Variants in PALM2AKAP2 observed in about 807,000 individuals in gnomAD.
PALM2AKAP2 encodes the protein PALM2 and AKAP2 fusion.
PALM2AKAP2 carries 37 observed loss-of-function variants against 71.5 expected under a neutral mutation model. The ratio of observed to expected loss-of-function variants is 0.52; its 90% CI spans 0.40 to 0.68. The LOEUF is 0.68. Ranked by LOEUF, PALM2AKAP2 falls within the 30% of genes least tolerant of loss-of-function variation. The probability of loss-of-function intolerance (pLI) is 0.00; values close to 1 mark genes in which losing one functional copy is unlikely to be tolerated. For synonymous variants in PALM2AKAP2, 468 were observed against 478.8 expected, an observed-to-expected ratio of 0.98 and a Z score of 0.29; for missense variants, 1,224 against 1,191.8, an observed-to-expected ratio of 1.03 and a Z score of -0.40.
chr9:109,742,304 C>G (rs1276308481), intron 1 of PALM2AKAP2, among the ~76,000 whole-genome samples: 2 of 146,834 alleles, frequency 1.4e-5, no homozygotes, highest in Non-Finnish European at 3.0e-5. Flanking sequence ...CACACACACT[C>G]TCACAGCCAC....
intron 1 of PALM2AKAP2, among the ~76,000 whole-genome samples, chr9:109,748,133 T>C (rs565182015): frequency 1.3e-5 from 2 of 152,362 alleles, no homozygotes; most frequent in Admixed American, 1.3e-4. Flanking sequence ...GATACTTAGT[T>C]GATTAACCAC....
chr9:109,775,695 A>G (rs537257836), upstream of PALM2AKAP2, among the ~76,000 whole-genome samples: 1 of 152,338 alleles, frequency 6.6e-6, no homozygotes, highest in African/African-American at 2.4e-5. Flanking sequence ...TTGCTGGGAA[A>G]TGTCACACTC....
At position 110,106,377 on chromosome 9, in the gene PALM2AKAP2, C is replaced by G. The variant is rs1835121567; in HGVS notation, c.157-29750C>G. The stretch of plus-strand genomic sequence containing the variant: ...GAAGATTCTATTAATATTTTAACCT[C>G]AGAAGAGCAGCGTCTAAATATGTGA... On this transcript the variant is annotated intron_variant, in intron 1 of 3. Coordinates refer to ENST00000374525, the Ensembl canonical transcript of PALM2AKAP2. Among the ~76,000 whole-genome samples the G allele has an allele frequency of 2.0e-5, 3 of 152,162 alleles. No individual in the cohort carries two copies. The South Asian group carries it at 6.2e-4, about 32-fold the overall frequency.
intron 1 of PALM2AKAP2, among the ~76,000 whole-genome samples, chr9:109,793,202 A>G (rs1392556629): frequency 6.6e-6 from 1 of 152,252 alleles, no homozygotes; most frequent in African/African-American, 2.4e-5. Flanking sequence ...TATCCTTTCC[A>G]GAGAACAAGA....
rs374063301 is a variant in PALM2AKAP2, at chr9:110,149,961, C to G, written c.2570-6358C>G. ...ATCCAAAAGGAGGATTGAGACCAGCCTGGTCTCAATTGAGACCCCTGTCCC... is the reference window on the plus strand; with the variant it reads ...ATCCAAAAGGAGGATTGAGACCAGCGTGGTCTCAATTGAGACCCCTGTCCC... On this transcript the variant is annotated intron_variant, in intron 2 of 3. Coordinates refer to ENST00000374525, the Ensembl canonical transcript of PALM2AKAP2. 8.3e-4 allele frequency among the ~76,000 whole-genome samples: 127 copies of G among 152,326 alleles called. 2 individuals carry two copies. In the South Asian group the frequency reaches 0.015, roughly 18 times the overall value.
intron 3 of PALM2AKAP2, 84 bp from the exon 10 acceptor site, chr9:110,162,010 G>T: frequency 3.2e-6 from 5 of 1,544,500 alleles, no homozygotes; most frequent in Non-Finnish European, 4.5e-6. Flanking sequence ...TCCTCTTCTG[G>T]TGTGGTGCCT....
At chr9:109,699,292 C>T (rs963848471) in intron 1 of PALM2AKAP2, among the ~76,000 whole-genome samples, 3 of 152,276 alleles carry the variant, frequency 2.0e-5, no homozygotes, top group Admixed American at 2.0e-4. Flanking sequence ...AGAATTGGTA[C>T]CTCTTTTCTG....
intron 1 of PALM2AKAP2, among the ~76,000 whole-genome samples, chr9:109,683,080 C>A (rs1318733684): frequency 6.6e-6 from 1 of 152,094 alleles, no homozygotes; most frequent in Admixed American, 6.6e-5. Context: ...TGTGGCACCT[C>A]CCCTCCCCGC....
At chr9:109,704,290 T>C (rs1433928895) in intron 1 of PALM2AKAP2, among the ~76,000 whole-genome samples, 1 of 152,206 alleles carries the variant, frequency 6.6e-6, no homozygotes, top group African/African-American at 2.4e-5. Context: ...ATTTCCCCCC[T>C]TTTTAGCCTG....
At chr9:110,085,179 G>T (rs546194470) in intron 1 of PALM2AKAP2, among the ~76,000 whole-genome samples, 2 of 152,194 alleles carry the variant, frequency 1.3e-5, no homozygotes, top group Non-Finnish European at 2.9e-5. Context: ...GTGGTGACCC[G>T]TAGGAATTGT....
In PALM2AKAP2 at chr9:109,929,995, T is replaced by A. The variant is rs367822004; in HGVS notation, c.395-1932T>A. 1.3e-4 allele frequency among the ~76,000 whole-genome samples: 20 copies of A among 150,558 alleles called. No individual in the cohort carries two copies. In the East Asian group the frequency reaches 2.4e-3, roughly 18 times the overall value. ...CAAATCCAAAACCATCTTCAGGGGG[T>A]CCCTGCAGGCTGCTTTCCAGCCATC... is the stretch of plus-strand genomic sequence containing the variant. On this transcript the variant is annotated intron_variant, in intron 5 of 9. Transcript: ENST00000302798.
chr9:109,814,307 A>G (rs10980062), intron 1 of PALM2AKAP2, among the ~76,000 whole-genome samples: 65,332 of 152,126 alleles, frequency 0.43, 16,693 homozygotes, highest in African/African-American at 0.71. Context: ...TTTTAAATAT[A>G]TACTTAATGC....
chr9:109,691,905 CACACACATAT>C (rs1827900281), intron 1 of PALM2AKAP2, among the ~76,000 whole-genome samples: 1 of 57,274 alleles, frequency 1.7e-5, no homozygotes, highest in African/African-American at 7.0e-5. Context: ...TATATATACA[CACACACATAT>C]ATATATATAC....
chr9:110,032,546 C>T (rs1403770257), intron 7 of PALM2AKAP2, among the ~76,000 whole-genome samples: 1 of 151,878 alleles, frequency 6.6e-6, no homozygotes, highest in Non-Finnish European at 1.5e-5. Flanking sequence ...CAAAAATTAG[C>T]TGGGCATGGT....
intron 1 of PALM2AKAP2, among the ~76,000 whole-genome samples, chr9:109,708,939 A>T (rs1042240661): frequency 1.8e-4 from 27 of 152,182 alleles, no homozygotes; most frequent in Admixed American, 2.0e-4. Flanking sequence ...GTGCAGGAGA[A>T]TTCAGAGGAC....
intron 1 of PALM2AKAP2, among the ~76,000 whole-genome samples, chr9:109,688,462 C>G (rs1047838812): frequency 6.6e-6 from 1 of 152,204 alleles, no homozygotes; most frequent in African/African-American, 2.4e-5. Context: ...AGGTTATTGT[C>G]AAGGACTTTA....
At chr9:109,835,284 G>A (rs113283240) in intron 1 of PALM2AKAP2, among the ~76,000 whole-genome samples, 1,624 of 141,766 alleles carry the variant, frequency 0.011, 36 homozygotes, top group African/African-American at 0.038. Flanking sequence ...TGGAGAGGTA[G>A]AGGGGAGGGT....
At chr9:110,141,596 A>T (rs1836031851) in intron 2 of PALM2AKAP2, among the ~76,000 whole-genome samples, 1 of 152,176 alleles carries the variant, frequency 6.6e-6, no homozygotes. Context: ...TGAGCAGCCA[A>T]ACTAGACAAT....
chr9:109,923,116 G>A (rs1329027351), intron 3 of PALM2AKAP2, among the ~76,000 whole-genome samples: 1 of 152,204 alleles, frequency 6.6e-6, no homozygotes, highest in East Asian at 1.9e-4. Flanking sequence ...TCTCCTGGCA[G>A]TGCTGAAATT....
Sources: gnomAD v4.1 joint callset for allele counts (sites outside exome capture counted in the v4.1 genomes callset) on GRCh38, gnomAD v4.1.1 for gene constraint, MANE v1.5 for transcripts, NCBI Gene and HGNC (gene_info 2026-07-23, HGNC 2026-07-21) for gene names.